Variants in HDX observed in about 807,000 individuals in gnomAD.
HDX encodes highly divergent homeobox.
In HDX, 19 loss-of-function variants were observed where a neutral mutation model predicts 45.2. That is an observed-to-expected ratio of 0.42 (90% confidence interval 0.29 to 0.62). HDX has a LOEUF of 0.62. Among genes scored for constraint, HDX ranks in the 20% least tolerant of loss-of-function variants. The pLI, the probability that HDX is intolerant of heterozygous loss-of-function variation, is 0.20. For synonymous variants in HDX, 188 were observed against 172.8 expected (o/e 1.09, Z -0.69); for missense variants, 532 against 493.9 (o/e 1.08, Z -0.73).
At chrX:84,442,480 T>C (rs2039781551) in intron 4 of HDX, among the ~76,000 whole-genome samples, 1 of 111,306 alleles carries the variant, frequency 9.0e-6, no homozygotes, top group Non-Finnish European at 1.9e-5. Context: ...AAAATATTTT[T>C]ACTCAAGATA....
chrX:84,336,280 T>C (rs949925446), intron 8 of HDX, among the ~76,000 whole-genome samples: 3 of 111,149 alleles, frequency 2.7e-5, no homozygotes, highest in Middle Eastern at 4.2e-3. Context: ...ATACTGTCTT[T>C]CTTTCTATAT....
chrX:84,429,834 G>T (rs983567313), intron 5 of HDX, among the ~76,000 whole-genome samples: 6 of 110,129 alleles, frequency 5.4e-5, no homozygotes, highest in Non-Finnish European at 9.6e-5. Context: ...ACAAAGTTGA[G>T]AAAGGTCCAT....
chrX:84,333,873 A>ATATCAC (rs1179223580), intron 8 of HDX, 31 bp from the exon 9 acceptor site: 2 of 591,471 alleles, frequency 3.4e-6, no homozygotes, highest in Admixed American at 5.6e-5. Flanking sequence ...TTACAAATAT[A>ATATCAC]TATCACATCA....
chrX:84,410,862 T>G (rs931679554), intron 5 of HDX, among the ~76,000 whole-genome samples: 1 of 111,514 alleles, frequency 9.0e-6, no homozygotes, highest in Non-Finnish European at 1.9e-5. Flanking sequence ...TTGGTTTGTT[T>G]AGGGTTTCAT....
intron 5 of HDX, among the ~76,000 whole-genome samples, chrX:84,380,340 G>A (rs1321604394): frequency 9.1e-6 from 1 of 110,018 alleles, no homozygotes; most frequent in Admixed American, 9.7e-5. Context: ...AATAAATAGA[G>A]GAAGAGAAAA....
intron 4 of HDX, among the ~76,000 whole-genome samples, chrX:84,459,457 A>AAAAAG (rs1327323384): frequency 7.2e-5 from 8 of 111,089 alleles, no homozygotes; most frequent in Non-Finnish European, 3.8e-5. Flanking sequence ...AAAAAAAGAA[A>AAAAAG]AAAAGAAAAG....
intron 5 of HDX, among the ~76,000 whole-genome samples, chrX:84,406,535 C>CACACTCTA (rs1556006645): frequency 0.025 from 952 of 37,915 alleles, 11 homozygotes; most frequent in South Asian, 0.053. Flanking sequence ...CACACACACA[C>CACACTCTA]TCTATGTATC....
chrX:84,323,905 C>T (rs927722511), intron 10 of HDX, among the ~76,000 whole-genome samples: 1 of 112,441 alleles, frequency 8.9e-6, no homozygotes, highest in Non-Finnish European at 1.9e-5. Context: ...AGATCTATAA[C>T]ACTTATTCTA....
intron 9 of HDX, among the ~76,000 whole-genome samples, chrX:84,332,772 A>G (rs2036872974): frequency 8.9e-6 from 1 of 111,773 alleles, no homozygotes; most frequent in African/African-American, 3.2e-5. Flanking sequence ...AGTTGAAAAT[A>G]CAGTCAAAAT....
At chrX:84,499,715 G>C (rs916154363) in intron 1 of HDX, among the ~76,000 whole-genome samples, 7 of 111,681 alleles carry the variant, frequency 6.3e-5, no homozygotes, top group Non-Finnish European at 9.4e-5. Context: ...GTACCTCAAA[G>C]TGAGGCAGGA....
At chrX:84,458,091 AG>A (rs2040154028) in intron 4 of HDX, among the ~76,000 whole-genome samples, 1 of 110,474 alleles carries the variant, frequency 9.1e-6, no homozygotes, top group Non-Finnish European at 1.9e-5. Flanking sequence ...AACCTAATAC[AG>A]GCCAGAAAAT....
Position 84,477,610 on chromosome X carries a change from T to G in HDX, c.1-2213A>C, listed in dbSNP as rs137912415. Among the ~76,000 whole-genome samples, 349 of 111,625 alleles carry G rather than the reference T, an allele frequency of 3.1e-3. 2 individuals are homozygous for G. Among genetic ancestry groups the G allele is most frequent in the African/African-American group, 0.011 (339 of 30,729 alleles). On this transcript the variant is annotated intron_variant, in intron 2 of 10. Transcript: ENST00000373177. ...TAGGAAGTTAATTCTTTACAACAAC[T>G]AGATGACCCCATTTGAGCAAGATAA...
intron 6 of HDX, among the ~76,000 whole-genome samples, chrX:84,346,413 G>A (rs1352490518): frequency 9.0e-6 from 1 of 111,674 alleles, no homozygotes; most frequent in Non-Finnish European, 1.9e-5. Flanking sequence ...AAATGAGTGA[G>A]TATGGCTAAA....
chrX:84,341,373 A>G (rs754234779), intron 7 of HDX, among the ~76,000 whole-genome samples: 1 of 111,319 alleles, frequency 9.0e-6, no homozygotes, highest in Non-Finnish European at 1.9e-5. Flanking sequence ...CTGCCTCACT[A>G]TTTCCCTGTA....
Position 84,361,555 on chromosome X carries a change from C to T in HDX, c.1363G>A (p.Asp455Asn). ...GAGCCCAGGCTGGTCATGCCATTGT[C>T]CCAATACTTCTTAAGGGTGGCTAAG... is the stretch of plus-strand genomic sequence containing the variant. ...RDLATLKKYW[D>N]NGMTSLGSVC... Residue 455 changes from aspartate (D) to asparagine (N), a missense_variant, in exon 6 of 11, where the codon GAC becomes AAC. Physicochemically the swap from Asp to Asn is conservative, Grantham distance 23. This residue lies in a region of HDX where 376 missense variants were observed against 343.7 expected (regional missense o/e 1.09). Coordinates refer to ENST00000373177, the MANE Select transcript of HDX (RefSeq NM_001177479.2). 3.3e-6 allele frequency: 4 copies of T among 1,202,902 alleles called. No individual in the cohort carries two copies. Among genetic ancestry groups the T allele is most frequent in the Non-Finnish European group, 4.5e-6 (4 of 888,795 alleles).
chrX:84,497,902 T>A (rs1161210320), intron 1 of HDX, among the ~76,000 whole-genome samples: 2 of 111,457 alleles, frequency 1.8e-5, no homozygotes, highest in Non-Finnish European at 3.8e-5. Context: ...TGACCTTGCA[T>A]GAGCACCATA....
chrX:84,446,408 A>T (rs2039873763), intron 4 of HDX, among the ~76,000 whole-genome samples: 1 of 111,973 alleles, frequency 8.9e-6, no homozygotes, highest in African/African-American at 3.2e-5. Context: ...ACAACAAAAG[A>T]TTTATTGCTT....
chrX:84,443,719 T>C (rs774361433), intron 4 of HDX, among the ~76,000 whole-genome samples: 1 of 112,172 alleles, frequency 8.9e-6, no homozygotes, highest in African/African-American at 3.2e-5. Flanking sequence ...AAATGTTCCC[T>C]CAAATGAGAA....
At chrX:84,391,597 T>A (rs960999535) in intron 5 of HDX, among the ~76,000 whole-genome samples, 3 of 111,679 alleles carry the variant, frequency 2.7e-5, no homozygotes, top group African/African-American at 9.8e-5. Flanking sequence ...TTTCTCTGCA[T>A]CCTCACTAAC....
Sources: allele counts gnomAD v4.1 joint callset (sites outside exome capture counted in the v4.1 genomes callset), GRCh38; gene constraint gnomAD v4.1.1; regional missense constraint gnomAD v4.1.1; transcripts MANE v1.5; gene names NCBI Gene and HGNC (gene_info 2026-07-23, HGNC 2026-07-21).